The following CFAP69 variants were observed in gnomAD, a reference collection of about 807,000 sequenced individuals.
CFAP69 encodes cilia- and flagella-associated protein 69.
A neutral mutation model predicts 123.0 loss-of-function variants in CFAP69; 92 were observed. The ratio of observed to expected loss-of-function variants is 0.75; its 90% CI spans 0.63 to 0.89. The LOEUF is 0.89. Ranked by LOEUF, CFAP69 falls within the 40% of genes least tolerant of loss-of-function variation. The pLI, the probability that CFAP69 is intolerant of heterozygous loss-of-function variation, is 0.00. For synonymous variants in CFAP69, 380 were observed against 364.3 expected (o/e 1.04, Z -0.49); for missense variants, 1,067 against 1,096.9 (o/e 0.97, Z 0.39).
rs1321061642 is a variant in CFAP69 at position 90,257,608 on chromosome 7, CAT to C, written c.181-489_181-488del. On this transcript the variant is annotated intron_variant, in intron 2 of 22. Coordinates refer to ENST00000389297, the MANE Select transcript of CFAP69 (RefSeq NM_001039706.3). Reference sequence around the variant, plus strand: ...GAGAACAACTTTTTTAGCTTCCACACATGAGTGAAAATGTGTGATATTTGTCT... The same window carrying C: ...GAGAACAACTTTTTTAGCTTCCACACGAGTGAAAATGTGTGATATTTGTCT... 2.6e-5 allele frequency among the ~76,000 whole-genome samples: 4 copies of C among 152,196 alleles called. No homozygotes were observed. The East Asian group carries it at 5.8e-4, about 22-fold the overall frequency.
intron 12 of CFAP69, among the ~76,000 whole-genome samples, chr7:90,280,885 G>A (rs187589015): frequency 6.6e-6 from 1 of 152,108 alleles, no homozygotes; most frequent in Non-Finnish European, 1.5e-5. Context: ...AAAATGATAG[G>A]CTTTTTATTC....
intron 12 of CFAP69, among the ~76,000 whole-genome samples, chr7:90,280,959 G>A (rs1329486231): frequency 6.6e-6 from 1 of 152,140 alleles, no homozygotes; most frequent in Non-Finnish European, 1.5e-5. Flanking sequence ...ACTGAATAAA[G>A]CAATTCTTCA....
At chr7:90,304,913 T>C (rs920128420) in intron 19 of CFAP69, 93 bp downstream of exon 19, 15 of 914,196 alleles carry the variant, frequency 1.6e-5, no homozygotes, top group Admixed American at 2.6e-5. Flanking sequence ...TGAGCAATCA[T>C]CTACATACTG....
chr7:90,304,909 A>G (rs1325558841), intron 19 of CFAP69, 89 bp downstream of exon 19: 3 of 947,308 alleles, frequency 3.2e-6, no homozygotes, highest in African/African-American at 3.3e-5. Context: ...GTTGTGAGCA[A>G]TCATCTACAT....
chr7:90,251,400 T>C (rs923582283), intron 1 of CFAP69, among the ~76,000 whole-genome samples: 1 of 152,162 alleles, frequency 6.6e-6, no homozygotes, highest in Non-Finnish European at 1.5e-5. Flanking sequence ...TGGTCTTAAG[T>C]TGGAAGCAGA....
intron 15 of CFAP69, among the ~76,000 whole-genome samples, chr7:90,289,189 G>T (rs926785279): frequency 9.9e-5 from 15 of 151,864 alleles, no homozygotes; most frequent in Non-Finnish European, 2.2e-4. Context: ...AAAATGCCCA[G>T]ATCTGGGCAT....
At chr7:90,295,197 C>G (rs770052398) in intron 15 of CFAP69, among the ~76,000 whole-genome samples, 12 of 152,174 alleles carry the variant, frequency 7.9e-5, no homozygotes, top group Non-Finnish European at 1.3e-4. Context: ...CCCATAGTGC[C>G]AAACCCATTC....
In CFAP69 at chr7:90,275,397, T is replaced by G. The variant is rs532711697; in HGVS notation, c.984+1287T>G. The stretch of plus-strand genomic sequence containing the variant: ...GTGGTTCAGCTATCAGCCAGATATT[T>G]GGGAAGAGTTTGTACACAGAATTTA... On this transcript the variant is annotated intron_variant, in intron 9 of 22. Transcript: ENST00000389297. 2.8e-4 allele frequency among the ~76,000 whole-genome samples: 42 copies of G among 152,186 alleles called. No individual in the cohort carries two copies. The South Asian group carries it at 8.5e-3, about 31-fold the overall frequency.
intron 13 of CFAP69, among the ~76,000 whole-genome samples, chr7:90,285,812 G>A (rs1390911987): frequency 6.6e-6 from 1 of 152,144 alleles, no homozygotes; most frequent in Non-Finnish European, 1.5e-5. Context: ...AAAGTGTCAG[G>A]TTATTGGGGC....
In CFAP69 at chr7:90,264,104, AATATATATATATATAT is replaced by A. The variant is rs71104454; in HGVS notation, c.357-1166_357-1151del. On this transcript the variant is annotated intron_variant, in intron 4 of 22. Transcript: ENST00000389297. ...AGACTCCATCTCGAAAAAAAAAAAA[AATATATATATATATAT>A]ATATATATATATATATATATATATA... 3.5e-3 allele frequency among the ~76,000 whole-genome samples: 170 copies of A among 48,886 alleles called. 14 individuals carry two copies. The highest frequency in any genetic ancestry group is 0.01 in the African/African-American group (140 of 13,832). 32.1% of individuals were successfully genotyped at this position (48,886 alleles called of 152,430 possible).
intron 15 of CFAP69, among the ~76,000 whole-genome samples, chr7:90,297,080 G>A (rs994762858): frequency 6.6e-6 from 1 of 152,182 alleles, no homozygotes; most frequent in Non-Finnish European, 1.5e-5. Context: ...TTAAAAATAT[G>A]TCAAAGGAAT....
intron 19 of CFAP69, among the ~76,000 whole-genome samples, chr7:90,305,908 G>A (rs141150188): frequency 9.8e-4 from 145 of 148,182 alleles, no homozygotes; most frequent in African/African-American, 3.3e-3. Flanking sequence ...TTTGGATGTT[G>A]TAAATGAGTA....
chr7:90,307,216 C>T, intron 20 of CFAP69, 118 bp downstream of exon 20: 1 of 713,528 alleles, frequency 1.4e-6, no homozygotes, highest in Non-Finnish European at 2.4e-6. Flanking sequence ...ACTATAGTAA[C>T]AATAATTTAT....
chr7:90,268,326 A>G lies in CFAP69; in HGVS notation c.474A>G (p.Gln158=). The G allele has an allele frequency of 6.2e-7, 1 of 1,610,032 alleles. No individual in the cohort carries two copies. Among genetic ancestry groups the G allele is most frequent in the Non-Finnish European group, 8.5e-7 (1 of 1,178,646 alleles). ...TACCAAGTTCTGAATTGAGGATACA[A>G]ATTTGTAAGTGTATTGTTGATTTTT... The part of the protein sequence containing the change: ...MKIPSSELRI[Q]ICKCIVDFYH... The change falls in exon 6 of 23, where the codon CAA becomes CAG. Residue 158 remains glutamine (Q), a synonymous_variant. Coordinates refer to ENST00000389297, the MANE Select transcript of CFAP69 (RefSeq NM_001039706.3).
chr7:90,252,471 C>G (rs1797148291), intron 1 of CFAP69, among the ~76,000 whole-genome samples: 1 of 152,076 alleles, frequency 6.6e-6, no homozygotes, highest in Admixed American at 6.6e-5. Flanking sequence ...CATTCCAGAA[C>G]AGCCTGGGCA....
chr7:90,282,182 A>G (rs1212210433), intron 12 of CFAP69, among the ~76,000 whole-genome samples: 1 of 50,372 alleles, frequency 2.0e-5, no homozygotes, highest in Non-Finnish European at 3.7e-5. Context: ...GTGAGACCCC[A>G]TCTCTTAAAA....
intron 1 of CFAP69, among the ~76,000 whole-genome samples, chr7:90,246,170 T>C (rs763246452): frequency 4.6e-5 from 7 of 152,372 alleles, no homozygotes; most frequent in Non-Finnish European, 1.0e-4. Flanking sequence ...GGTTTGCTTT[T>C]GTTATGAATA....
chr7:90,259,737 C>A (rs553138309), intron 3 of CFAP69, among the ~76,000 whole-genome samples: 2 of 152,110 alleles, frequency 1.3e-5, no homozygotes, highest in African/African-American at 4.8e-5. Flanking sequence ...CCTCTCGCCT[C>A]GGCCTCCCAA....
Position 90,309,273 on chromosome 7 carries a change from G to T in CFAP69, c.2561G>T (p.Ser854Ile). The change falls in exon 22 of 23, where the codon AGC becomes ATC. Residue 854 changes from serine (S) to isoleucine (I), a missense_variant. Coordinates refer to ENST00000389297, the MANE Select transcript of CFAP69 (RefSeq NM_001039706.3). ...SNAKTLKKAKSLQEKAIEASR... is the reference protein window; with the variant it reads ...SNAKTLKKAKILQEKAIEASR... ...TTTAAAAATCCTCAGAAAGCAAAAA[G>T]CCTTCAAGAAAAAGCTATAGAAGCC... The T allele has an allele frequency of 6.6e-7, 1 of 1,514,612 alleles. No individual in the cohort carries two copies. Among genetic ancestry groups the T allele is most frequent in the Non-Finnish European group, 8.9e-7 (1 of 1,124,522 alleles). The allele number at this position is 1,514,612 out of a possible 1,614,324, so 93.8% of individuals were successfully genotyped here.
Sources: gnomAD v4.1 joint callset for allele counts (sites outside exome capture counted in the v4.1 genomes callset) on GRCh38, gnomAD v4.1.1 for gene constraint, MANE v1.5 for transcripts, NCBI Gene and HGNC (gene_info 2026-07-23, HGNC 2026-07-21) for gene names.